The following TMEM117 variants were observed in gnomAD, a reference collection of about 807,000 sequenced individuals.
The protein encoded by TMEM117 is transmembrane protein 117.
TMEM117 carries 27 observed loss-of-function variants against 52.4 expected under a neutral mutation model. That is an observed-to-expected ratio of 0.51 (90% CI 0.38 to 0.71). The LOEUF is 0.71. Ranked by LOEUF, TMEM117 falls within the 30% of genes least tolerant of loss-of-function variation. TMEM117 has a pLI of 0.00. For missense variants in TMEM117, 556 were observed against 630.5 expected (o/e 0.88, Z 1.26); for synonymous variants, 215 against 206.3 (o/e 1.04, Z -0.36).
chr12:44,318,258 G>A (rs923783662), intron 6 of TMEM117: 6 of 152,628 alleles, frequency 3.9e-5, no homozygotes, highest in African/African-American at 1.2e-4. Context: ...GCACAGGAGG[G>A]GTGGGAGACT....
chr12:44,353,651 T>C (rs1188619520), intron 6 of TMEM117, among the ~76,000 whole-genome samples: 7 of 152,314 alleles, frequency 4.6e-5, no homozygotes, highest in African/African-American at 1.7e-4. Flanking sequence ...GTTCCATTGG[T>C]CTATATGTCT....
intron 2 of TMEM117, among the ~76,000 whole-genome samples, chr12:43,889,847 G>T (rs886913873): frequency 2.0e-5 from 3 of 152,280 alleles, no homozygotes; most frequent in Non-Finnish European, 2.9e-5. Flanking sequence ...GGAGGTGCAG[G>T]AAGTTCAATG....
chr12:44,031,672 T>G (rs1183440439), intron 3 of TMEM117, among the ~76,000 whole-genome samples: 1 of 152,240 alleles, frequency 6.6e-6, no homozygotes, highest in African/African-American at 2.4e-5. Context: ...TATTTACAGC[T>G]TGTAGCAATT....
At chr12:44,374,451 C>A (rs1951910275) in intron 6 of TMEM117, among the ~76,000 whole-genome samples, 1 of 152,036 alleles carries the variant, frequency 6.6e-6, no homozygotes, top group African/African-American at 2.4e-5. Flanking sequence ...CACCCCCAGG[C>A]CCAAACTACC....
intron 6 of TMEM117, among the ~76,000 whole-genome samples, chr12:44,331,196 A>T (rs78364270): frequency 6.6e-6 from 1 of 151,836 alleles, no homozygotes; most frequent in Non-Finnish European, 1.5e-5. Context: ...AAAAAAAAAA[A>T]ATCTTTTTTT....
At chr12:44,150,608 A>AT (rs1948708553) in intron 4 of TMEM117, among the ~76,000 whole-genome samples, 1 of 152,278 alleles carries the variant, frequency 6.6e-6, no homozygotes, top group African/African-American at 2.4e-5. Flanking sequence ...TTTTTTGCTC[A>AT]TTAGGAAGTT....
intron 4 of TMEM117, among the ~76,000 whole-genome samples, chr12:44,199,424 G>C (rs1026324797): frequency 3.3e-5 from 5 of 152,080 alleles, no homozygotes; most frequent in Non-Finnish European, 7.4e-5. Flanking sequence ...CCAAATACTT[G>C]CTTATAATTT....
intron 2 of TMEM117, among the ~76,000 whole-genome samples, chr12:43,910,296 C>G (rs568886078): frequency 1.3e-5 from 2 of 150,194 alleles, no homozygotes; most frequent in Non-Finnish European, 3.0e-5. Context: ...ATTCAACAAC[C>G]CTTCATGCTA....
intron 4 of TMEM117, among the ~76,000 whole-genome samples, chr12:44,182,865 A>G (rs891235558): frequency 6.6e-6 from 1 of 152,168 alleles, no homozygotes; most frequent in Non-Finnish European, 1.5e-5. Context: ...TGTGTAGTTA[A>G]ACAAAAAACG....
At chr12:43,977,763 G>T (rs73085755) in intron 3 of TMEM117, among the ~76,000 whole-genome samples, 38 of 151,964 alleles carry the variant, frequency 2.5e-4, no homozygotes, top group Non-Finnish European at 5.0e-4. Context: ...TGGCAAAATA[G>T]TTGAAATTGT....
chr12:44,031,623 G>T (rs1307872112), intron 3 of TMEM117, among the ~76,000 whole-genome samples: 1 of 152,222 alleles, frequency 6.6e-6, no homozygotes, highest in East Asian at 1.9e-4. Flanking sequence ...CTGATACTTT[G>T]TTCTGTTTTT....
chr12:44,081,283 T>C (rs1426632893), intron 3 of TMEM117, among the ~76,000 whole-genome samples: 1 of 152,210 alleles, frequency 6.6e-6, no homozygotes. Flanking sequence ...ATTTGTCATG[T>C]CTCTGAAGTA....
chr12:44,074,304 G>T (rs1345862362), intron 3 of TMEM117, among the ~76,000 whole-genome samples: 1 of 152,060 alleles, frequency 6.6e-6, no homozygotes, highest in Non-Finnish European at 1.5e-5. Flanking sequence ...GTATCAACTT[G>T]AATTGTCCTG....
intron 2 of TMEM117, among the ~76,000 whole-genome samples, chr12:43,926,563 T>A (rs1297429992): frequency 6.6e-6 from 1 of 152,202 alleles, no homozygotes; most frequent in Non-Finnish European, 1.5e-5. Flanking sequence ...AAGAAGAGTT[T>A]ATGAAATATT....
At chr12:44,129,506 C>G (rs1291200845) in intron 3 of TMEM117, among the ~76,000 whole-genome samples, 1 of 152,188 alleles carries the variant, frequency 6.6e-6, no homozygotes, top group Non-Finnish European at 1.5e-5. Flanking sequence ...ACTTTCTTAT[C>G]TTAACCCAGA....
At chr12:44,126,968 T>G (rs1357699961) in intron 3 of TMEM117, among the ~76,000 whole-genome samples, 3 of 152,244 alleles carry the variant, frequency 2.0e-5, no homozygotes, top group Admixed American at 2.0e-4. Context: ...GGCACAGGTA[T>G]GAACTCATGG....
At chr12:44,171,305 G>A (rs567604624) in intron 4 of TMEM117, among the ~76,000 whole-genome samples, 14 of 152,258 alleles carry the variant, frequency 9.2e-5, no homozygotes, top group African/African-American at 2.6e-4. Flanking sequence ...GTGAGCCACC[G>A]CGCCCGGCCT....
chr12:44,331,866 C>T lies in TMEM117; in HGVS notation c.768+32127C>T, dbSNP rs375022525. Among the ~76,000 whole-genome samples the T allele has an allele frequency of 2.4e-4, 36 of 152,166 alleles. No homozygotes were observed. In the South Asian group the frequency reaches 5.8e-3, roughly 25 times the overall value. ...CCAATTTCACAGCAGTACTTTGTGA[C>T]ACTTGCTAATTCATTGACTGATGAA... On this transcript the variant is annotated intron_variant, in intron 6 of 7. Coordinates refer to ENST00000266534, the MANE Select transcript of TMEM117 (RefSeq NM_032256.3).
At chr12:44,034,852 A>T (rs1946685969) in intron 3 of TMEM117, among the ~76,000 whole-genome samples, 1 of 152,288 alleles carries the variant, frequency 6.6e-6, no homozygotes, top group African/African-American at 2.4e-5. Context: ...TAGCACTTGA[A>T]TCAGTGGACT....
Sources: gnomAD v4.1 joint callset for allele counts (sites outside exome capture counted in the v4.1 genomes callset) on GRCh38, gnomAD v4.1.1 for gene constraint, MANE v1.5 for transcripts, NCBI Gene and HGNC (gene_info 2026-07-23, HGNC 2026-07-21) for gene names.